The following COG5 variants were observed in gnomAD, a reference collection of about 807,000 sequenced individuals.
The protein encoded by COG5 is component of oligomeric golgi complex 5, also known as conserved oligomeric Golgi complex subunit 5.
COG5 carries 86 observed loss-of-function variants against 110.4 expected under a neutral mutation model. The ratio of observed to expected loss-of-function variants is 0.78; its 90% CI spans 0.65 to 0.93. COG5 has a LOEUF of 0.93. Among genes scored for constraint, COG5 ranks in the 40% least tolerant of loss-of-function variants. The probability of loss-of-function intolerance (pLI) is 0.00; values close to 1 mark genes in which losing one functional copy is unlikely to be tolerated. For synonymous variants in COG5, 360 were observed against 334.6 expected (o/e 1.08, Z -0.83); for missense variants, 1,077 against 987.0 (o/e 1.09, Z -1.22).
intron 10 of COG5, among the ~76,000 whole-genome samples, chr7:107,358,153 G>T (rs1017336419): frequency 1.3e-5 from 2 of 152,110 alleles, no homozygotes; most frequent in Non-Finnish European, 2.9e-5. Flanking sequence ...ATTCTCCTGA[G>T]TACAGTTGTT....
intron 10 of COG5, among the ~76,000 whole-genome samples, chr7:107,329,898 G>C (rs1291416226): frequency 6.6e-6 from 1 of 151,976 alleles, no homozygotes; most frequent in East Asian, 1.9e-4. Context: ...CTGTCTTTAA[G>C]AAAACAAAAA....
At chr7:107,456,096 G>T (rs1278420817) in intron 6 of COG5, among the ~76,000 whole-genome samples, 1 of 152,134 alleles carries the variant, frequency 6.6e-6, no homozygotes, top group Non-Finnish European at 1.5e-5. Flanking sequence ...ACTGTGCCTG[G>T]CCCAGAGCAG....
chr7:107,240,080 A>G (rs984439528), intron 17 of COG5, among the ~76,000 whole-genome samples: 5 of 152,244 alleles, frequency 3.3e-5, no homozygotes, highest in East Asian at 1.9e-4. Context: ...CATGGACTGC[A>G]ACAATTTTAA....
intron 18 of COG5, among the ~76,000 whole-genome samples, chr7:107,235,688 G>A (rs1187210681): frequency 6.6e-6 from 1 of 152,198 alleles, no homozygotes; most frequent in Admixed American, 6.5e-5. Context: ...GGGCGACAGA[G>A]CAAGACTCTG....
At position 107,230,633 on chromosome 7, in the gene COG5, C is replaced by T. The variant is rs373856634; in HGVS notation, c.2150G>A (p.Arg717Gln). The T allele has an allele frequency of 4.1e-5, 66 of 1,612,594 alleles. No homozygotes were observed. The highest frequency in any genetic ancestry group is 4.7e-5 in the Non-Finnish European group (55 of 1,178,836). Residue 717 changes from arginine (R) to glutamine (Q), a missense_variant, in exon 19 of 22, where the codon CGG (arginine) becomes CAG (glutamine). Coordinates refer to ENST00000297135, the MANE Select transcript of COG5 (RefSeq NM_006348.5). ...GTCTTACCTGAATGATCTCAGCATCCGATAGGACTTTCCTAAATCAGATAC... is the reference window on the plus strand; with the variant it reads ...GTCTTACCTGAATGATCTCAGCATCTGATAGGACTTTCCTAAATCAGATAC... Reference protein sequence around the residue: ...RRVSDLGKSYRMLRSFRPLLF... With the variant: ...RRVSDLGKSYQMLRSFRPLLF...
intron 3 of COG5, among the ~76,000 whole-genome samples, chr7:107,552,502 G>C (rs557724328): frequency 1.4e-4 from 22 of 152,092 alleles, no homozygotes; most frequent in African/African-American, 5.3e-4. Flanking sequence ...AGGCATACAT[G>C]CAGGCAACAC....
chr7:107,497,824 G>A (rs1431897517), intron 6 of COG5, among the ~76,000 whole-genome samples: 3 of 152,018 alleles, frequency 2.0e-5, no homozygotes, highest in Non-Finnish European at 4.4e-5. Context: ...AGAAGACCCT[G>A]AATAGTCAAA....
chr7:107,266,943 T>C (rs193202643), intron 14 of COG5, among the ~76,000 whole-genome samples: 7 of 152,320 alleles, frequency 4.6e-5, no homozygotes, highest in African/African-American at 7.2e-5. Context: ...ACAGGTATAA[T>C]TGAACCACAG....
intron 11 of COG5, among the ~76,000 whole-genome samples, chr7:107,298,706 C>T (rs1004389210): frequency 4.6e-5 from 7 of 152,190 alleles, no homozygotes; most frequent in African/African-American, 1.7e-4. Context: ...TACATTCACA[C>T]AATACTTCAT....
At position 107,258,425 on chromosome 7, in the gene COG5, T is replaced by TTCTCTC. The variant is rs71134258; in HGVS notation, c.1576-48_1576-43dup. 5.3e-4 allele frequency: 467 copies of TTCTCTC among 886,442 alleles called. 1 individual carries two copies. Among genetic ancestry groups the TTCTCTC allele is most frequent in the African/African-American group, 5.0e-3 (297 of 59,784 alleles). The allele number at this position is 886,442 out of a possible 1,614,324, so 54.9% of individuals were successfully genotyped here. A position where few individuals can be genotyped will look rare whatever the true frequency, so the allele number is the denominator to read the frequency against. Reference sequence around the variant, plus strand: ...TCAAAAGAATGTGTCAGAATGATAATTCTCTCTCTCTCTCTCTCTCTCTCT... The same window carrying TTCTCTC: ...TCAAAAGAATGTGTCAGAATGATAATTCTCTCTCTCTCTCTCTCTCTCTCTCTCTCT... On this transcript the variant is annotated intron_variant, in intron 14 of 21. Coordinates refer to ENST00000297135, the MANE Select transcript of COG5 (RefSeq NM_006348.5).
Position 107,201,508 on chromosome 7 carries a change from T to C in COG5, c.*2008A>G. ...ATGGAAAGACTTAAGAAGATCAAGG[T>C]CTCACCATTTGTCCTCAATTCGTGT... On this transcript the variant is annotated 3_prime_UTR_variant, in exon 22 of 22. Transcript: ENST00000297135. 1.1e-6 allele frequency: 1 copy of C among 874,348 alleles called. No homozygotes were observed. Among genetic ancestry groups the C allele is most frequent in the South Asian group, 1.5e-5 (1 of 65,856 alleles). The allele number at this position is 874,348 out of a possible 1,614,324, so 54.2% of individuals were successfully genotyped here.
At chr7:107,275,136 C>T (rs574323516) in intron 14 of COG5, among the ~76,000 whole-genome samples, 4 of 151,922 alleles carry the variant, frequency 2.6e-5, no homozygotes, top group African/African-American at 9.7e-5. Flanking sequence ...TAAAATAGTC[C>T]AACGTAAGAA....
intron 11 of COG5, among the ~76,000 whole-genome samples, chr7:107,320,161 C>G (rs749607643): frequency 1.3e-5 from 2 of 152,044 alleles, no homozygotes; most frequent in Non-Finnish European, 2.9e-5. Flanking sequence ...TGTGTCAACA[C>G]TGAAAAATTG....
At chr7:107,337,094 C>T (rs542671853) in intron 10 of COG5, among the ~76,000 whole-genome samples, 4 of 151,808 alleles carry the variant, frequency 2.6e-5, no homozygotes, top group Admixed American at 6.6e-5. Flanking sequence ...AAAACCACAA[C>T]GAGATATGAC....
At chr7:107,319,836 T>C (rs1047594366) in intron 11 of COG5, among the ~76,000 whole-genome samples, 2 of 152,144 alleles carry the variant, frequency 1.3e-5, no homozygotes, top group African/African-American at 4.8e-5. Flanking sequence ...GGTAGTGCTC[T>C]TGTAGGCCCA....
intron 6 of COG5, among the ~76,000 whole-genome samples, chr7:107,415,664 G>A (rs1012009494): frequency 6.6e-6 from 1 of 151,188 alleles, no homozygotes; most frequent in Non-Finnish European, 1.5e-5. Context: ...TTATTACAGT[G>A]TTAATTGCAA....
intron 5 of COG5, among the ~76,000 whole-genome samples, chr7:107,531,324 G>C (rs1419987817): frequency 1.3e-5 from 2 of 152,156 alleles, no homozygotes; most frequent in Admixed American, 1.3e-4. Context: ...TTAAACATTA[G>C]AGGGTGGTAT....
intron 6 of COG5, among the ~76,000 whole-genome samples, chr7:107,526,901 G>A (rs1165108559): frequency 6.6e-6 from 1 of 152,164 alleles, no homozygotes; most frequent in African/African-American, 2.4e-5. Context: ...AGGCATCACC[G>A]TGAAGGGATA....
In COG5 at chr7:107,203,557, T is replaced by C. The variant is rs1005257968; in HGVS notation, c.2449A>G (p.Met817Val). ...ATAGCCTTTTGAAGCAGCTGAACCATTATGGGATAAACTGGTGCAAATTCT... is the reference window on the plus strand; with the variant it reads ...ATAGCCTTTTGAAGCAGCTGAACCACTATGGGATAAACTGGTGCAAATTCT... ...GKEFAPVYPIMVQLLQKAMSA... is the reference protein window; with the variant it reads ...GKEFAPVYPIVVQLLQKAMSA... Residue 817 changes from methionine to valine, a missense_variant, in exon 22 of 22, where the codon ATG becomes GTG. Transcript: ENST00000297135. 9.3e-6 allele frequency: 15 copies of C among 1,613,892 alleles called. No individual in the cohort carries two copies. Among genetic ancestry groups the C allele is most frequent in the Admixed American group, 1.7e-5 (1 of 60,004 alleles).
Sources: allele counts gnomAD v4.1 joint callset (sites outside exome capture counted in the v4.1 genomes callset), GRCh38; gene constraint gnomAD v4.1.1; transcripts MANE v1.5; gene names NCBI Gene and HGNC (gene_info 2026-07-23, HGNC 2026-07-21).